The following VWDE variants were observed in gnomAD, a reference collection of about 807,000 sequenced individuals.
VWDE encodes von Willebrand factor D and EGF domain-containing protein.
VWDE carries 207 observed loss-of-function variants against 178.4 expected under a neutral mutation model. The ratio of observed to expected loss-of-function variants is 1.16; its 90% CI spans 1.04 to 1.30. VWDE has a LOEUF of 1.30. Ranked by LOEUF, VWDE falls within the 50% of genes most tolerant of loss-of-function variation. VWDE has a pLI of 0.00. For missense variants in VWDE, 2,287 were observed against 1,901.3 expected (o/e 1.20, Z -3.77); for synonymous variants, 738 against 651.4 (o/e 1.13, Z -2.02).
rs746379777 is a variant in VWDE, at chr7:12,389,331, T to C, written c.271A>G (p.Ile91Val). 8.4e-6 allele frequency: 13 copies of C among 1,549,378 alleles called. No homozygotes were observed. Among genetic ancestry groups the C allele is most frequent in the Admixed American group, 2.0e-5 (1 of 50,964 alleles). Residue 91 changes from isoleucine (I) to valine (V), a missense_variant, in exon 3 of 29, where the codon ATC (isoleucine) becomes GTC (valine). Ile to Val is a conservative substitution (Grantham distance 29, BLOSUM62 3). Transcript: ENST00000275358. ...EMNHCGTQAP[I>V]WLSLRDSETL... ...TCTGAATCTCTCAGAGACAGCCAGA[T>C]GGGGGCCTGAGTTCCACAATGGTTC... is the stretch of plus-strand genomic sequence containing the variant.
rs1288708295 is a variant in VWDE at position 12,370,314 on chromosome 7, T to C, written c.1992A>G (p.Glu664=). ...TAATATATTCGGAGGTGACATCTAG[T>C]TCTGGTATCAAAGAAGATAAGCTGA... ...NHVSLSSLIP[E]LDVTSEYINS... Residue 664 remains glutamate (E), a synonymous_variant, in exon 12 of 29, where the codon GAA becomes GAG. Coordinates refer to ENST00000275358, the MANE Select transcript of VWDE (RefSeq NM_001135924.3). 6.4e-7 allele frequency: 1 copy of C among 1,551,248 alleles called. No individual in the cohort carries two copies.
intron 24 of VWDE, among the ~76,000 whole-genome samples, chr7:12,339,791 A>G (rs1562461699): frequency 6.6e-6 from 1 of 152,150 alleles, no homozygotes; most frequent in Non-Finnish European, 1.5e-5. Flanking sequence ...TATTCCGAAA[A>G]TAACCTGCAA....
At chr7:12,351,840 T>A in intron 18 of VWDE, 127 bp from the exon 19 acceptor site, 1 of 773,788 alleles carries the variant, frequency 1.3e-6, no homozygotes, top group Non-Finnish European at 1.9e-6. Context: ...ATAACTCACT[T>A]AAATGTCATC....
At chr7:12,380,356 A>G (rs1783776217) in intron 5 of VWDE, 130 bp downstream of exon 5, 1 of 1,293,108 alleles carries the variant, frequency 7.7e-7, no homozygotes, top group Admixed American at 2.9e-5. Context: ...CAAGGAAAAA[A>G]AAACAAAAAG....
rs929202846 is a variant in VWDE, at chr7:12,357,262, T to C, written c.3525+3A>G. 1 of 1,551,130 alleles carries C rather than the reference T, an allele frequency of 6.4e-7. No individual in the cohort carries two copies. ...GTGGCACTTATGTAATTATAAAGAT[T>C]ACCTCAATCGTGACTCTAGTTTCAG... On this transcript the variant is annotated splice_donor_region_variant and intron_variant, in intron 17 of 28. Transcript: ENST00000275358.
chr7:12,367,777 T>C (rs1234185405), intron 12 of VWDE, among the ~76,000 whole-genome samples: 1 of 152,100 alleles, frequency 6.6e-6, no homozygotes, highest in Non-Finnish European at 1.5e-5. Flanking sequence ...AGGACAAATA[T>C]TAAGAAATTA....
intron 1 of VWDE, among the ~76,000 whole-genome samples, chr7:12,395,711 A>G (rs1447527617): frequency 6.6e-6 from 1 of 152,046 alleles, no homozygotes; most frequent in Non-Finnish European, 1.5e-5. Flanking sequence ...TACCTCATTT[A>G]CAGTGTTCAA....
At chr7:12,377,951 G>A in intron 6 of VWDE, 31 bp from the exon 7 acceptor site, 1 of 1,331,434 alleles carries the variant, frequency 7.5e-7, no homozygotes, top group Non-Finnish European at 9.7e-7. Context: ...GAAAAATTAT[G>A]TTAAAATATA....
chr7:12,347,601 C>T (rs1046967754), intron 19 of VWDE, among the ~76,000 whole-genome samples: 9 of 152,140 alleles, frequency 5.9e-5, no homozygotes, highest in Non-Finnish European at 1.0e-4. Flanking sequence ...ATATAAGGGA[C>T]TTTAAATAAA....
At chr7:12,376,154 A>G (rs1562501745) in intron 7 of VWDE, among the ~76,000 whole-genome samples, 1 of 152,112 alleles carries the variant, frequency 6.6e-6, no homozygotes, top group African/African-American at 2.4e-5. Context: ...GAAACATTCA[A>G]ACTCTTAACC....
chr7:12,370,086 T>G lies in VWDE; in HGVS notation c.2220A>C (p.Gln740His), dbSNP rs1446548153. The G allele has an allele frequency of 6.4e-7, 1 of 1,551,624 alleles. No homozygotes were observed. The highest frequency in any genetic ancestry group is 2.4e-5 in the East Asian group (1 of 40,916). ...TGTTTTGTCGATTGTACCTCATTTC[T>G]TGGCTGTGGCTTCCCCGGCCTTGTG... ...KYTQGRGSHS[Q>H]EMRYNRQNRW... The change falls in exon 12 of 29, where the codon CAA becomes CAC. Residue 740 changes from glutamine to histidine, a missense_variant. Gln to His is a conservative substitution (Grantham distance 24). Coordinates refer to ENST00000275358, the MANE Select transcript of VWDE (RefSeq NM_001135924.3).
intron 2 of VWDE, among the ~76,000 whole-genome samples, chr7:12,392,285 A>C (rs1784421647): frequency 6.6e-6 from 1 of 152,220 alleles, no homozygotes; most frequent in South Asian, 2.1e-4. Context: ...TAAGCTGCAA[A>C]ATAAACGTCA....
At chr7:12,350,180 T>C (rs1781850763) in intron 19 of VWDE, among the ~76,000 whole-genome samples, 1 of 151,992 alleles carries the variant, frequency 6.6e-6, no homozygotes, top group Admixed American at 6.6e-5. Context: ...TATAAAAATT[T>C]AAATGAAATA....
intron 22 of VWDE, 113 bp downstream of exon 22, chr7:12,342,970 T>C (rs1781408358): frequency 2.8e-6 from 2 of 703,826 alleles, no homozygotes; most frequent in Non-Finnish European, 4.6e-6. Context: ...ACAAGAACTA[T>C]CACAATGTGT....
intron 13 of VWDE, among the ~76,000 whole-genome samples, chr7:12,365,564 G>A (rs1241143918): frequency 6.6e-5 from 10 of 152,212 alleles, no homozygotes; most frequent in South Asian, 4.1e-4. Flanking sequence ...ATCGATTCAC[G>A]TTGACTGAAC....
At position 12,398,490 on chromosome 7, in the gene VWDE, A is replaced by G. The variant is rs113304237; in HGVS notation, c.59-4712T>C. Among the ~76,000 whole-genome samples, 8 of 152,212 alleles carry G rather than the reference A, an allele frequency of 5.3e-5. 1 individual carries two copies. The highest frequency in any genetic ancestry group is 1.9e-4 in the African/African-American group (8 of 41,544). ...TTCCTTATTCCTCCCTAATTCCTGT[A>G]TTCCTACATGTAGCTATATTTCTTC... On this transcript the variant is annotated intron_variant, in intron 1 of 28. Coordinates refer to ENST00000275358, the MANE Select transcript of VWDE (RefSeq NM_001135924.3).
At chr7:12,382,272 T>C (rs985499321) in intron 4 of VWDE, among the ~76,000 whole-genome samples, 1 of 151,876 alleles carries the variant, frequency 6.6e-6, no homozygotes, top group African/African-American at 2.4e-5. Context: ...GTGATTTTGC[T>C]ACAATACATA....
At chr7:12,358,359 ATGAGATTCTGTCTC>A (rs1782382645) in intron 16 of VWDE, among the ~76,000 whole-genome samples, 1 of 120,196 alleles carries the variant, frequency 8.3e-6, no homozygotes, top group Non-Finnish European at 1.7e-5. Context: ...GGGAGACAGA[ATGAGATTCTGTCTC>A]AAAAAATAAA....
chr7:12,403,322 C>T (rs1351218267), intron 1 of VWDE, among the ~76,000 whole-genome samples: 1 of 152,146 alleles, frequency 6.6e-6, no homozygotes, highest in East Asian at 1.9e-4. Context: ...GCTAGCATAC[C>T]TTGCAGATCC....
Sources: gnomAD v4.1 joint callset for allele counts (sites outside exome capture counted in the v4.1 genomes callset) on GRCh38, gnomAD v4.1.1 for gene constraint, MANE v1.5 for transcripts, NCBI Gene and HGNC (gene_info 2026-07-23, HGNC 2026-07-21) for gene names.